The following AASDHPPT variants were observed in gnomAD, a reference collection of about 807,000 sequenced individuals.
The protein encoded by AASDHPPT is L-aminoadipate-semialdehyde dehydrogenase-phosphopantetheinyl transferase.
A neutral mutation model predicts 36.4 loss-of-function variants in AASDHPPT; 23 were observed. That is an observed-to-expected ratio of 0.63 (90% CI 0.45 to 0.89). The LOEUF is 0.89. Ranked by LOEUF, AASDHPPT falls within the 40% of genes least tolerant of loss-of-function variation. AASDHPPT has a pLI of 0.00. For synonymous variants in AASDHPPT, 115 were observed against 128.0 expected, an observed-to-expected ratio of 0.90 and a Z score of 0.68; for missense variants, 377 against 378.2, an observed-to-expected ratio of 1.00 and a Z score of 0.03.
Position 106,077,719 on chromosome 11 carries a change from C to T in AASDHPPT, c.9C>T (p.Phe3=). Residue 3 remains phenylalanine, a synonymous_variant, in exon 1 of 6, where the codon TTC becomes TTT. Transcript: ENST00000278618. MV[F]PAKRFCLVPS... Reference sequence around the variant, plus strand: ...AGGTCCGCTTTCAGTGTATGGTTTTCCCTGCCAAACGGTTCTGCTTGGTGC... The same window carrying T: ...AGGTCCGCTTTCAGTGTATGGTTTTTCCTGCCAAACGGTTCTGCTTGGTGC... The T allele has an allele frequency of 6.2e-7, 1 of 1,613,658 alleles. No homozygotes were observed. Among genetic ancestry groups the T allele is most frequent in the South Asian group, 1.1e-5 (1 of 91,064 alleles).
chr11:106,092,036 T>C (rs1861261523), intron 4 of AASDHPPT: 1 of 152,218 alleles, frequency 6.6e-6, no homozygotes, highest in Non-Finnish European at 1.5e-5. Context: ...TTTCTCTACA[T>C]TTTGGCTTCA....
chr11:106,096,907 A>G lies in AASDHPPT; in HGVS notation c.930A>G (p.Ter310TrpextTer1), dbSNP rs772876329. ...EIPIRNGTKS[*>W] ...CAATACGAAATGGTACAAAGTCATG[A>G]TGATTCCCTGAGTAACAAAGGGAAA... Residue 310 changes from the stop codon to tryptophan, a stop_lost, in exon 6 of 6, where the codon TGA (stop) becomes TGG (tryptophan). Transcript: ENST00000278618. 47 of 1,596,064 alleles carry G rather than the reference A, an allele frequency of 2.9e-5. 1 individual carries two copies. In the South Asian group the frequency reaches 5.4e-4, roughly 18 times the overall value.
chr11:106,080,568 A>G (rs1861128695), intron 2 of AASDHPPT, among the ~76,000 whole-genome samples: 2 of 152,200 alleles, frequency 1.3e-5, no homozygotes, highest in South Asian at 4.1e-4. Flanking sequence ...CATCACTAAC[A>G]TTTAATGAAC....
At chr11:106,079,767 G>T (rs1277528571) in intron 2 of AASDHPPT, 75 bp downstream of exon 2, 1 of 1,277,082 alleles carries the variant, frequency 7.8e-7, no homozygotes, top group East Asian at 2.3e-5. Context: ...GTAATCTCAG[G>T]CCAGGAGATG....
chr11:106,094,521 A>G, intron 4 of AASDHPPT, 62 bp from the exon 5 acceptor site: 1 of 1,259,964 alleles, frequency 7.9e-7, no homozygotes, highest in East Asian at 2.6e-5. Context: ...GAAAATGTAA[A>G]CAAAGTTACA....
At chr11:106,078,532 A>G (rs1861093290) in intron 1 of AASDHPPT, among the ~76,000 whole-genome samples, 2 of 152,236 alleles carry the variant, frequency 1.3e-5, no homozygotes, top group Non-Finnish European at 2.9e-5. Context: ...TCTGTACAAT[A>G]TGGTGCAATT....
At position 106,097,048 on chromosome 11, in the gene AASDHPPT, A is replaced by G. The variant is rs904818696; in HGVS notation, c.*141A>G. 1.2e-5 allele frequency: 10 copies of G among 832,710 alleles called. No individual in the cohort carries two copies. The highest frequency in any genetic ancestry group is 1.6e-5 in the Non-Finnish European group (9 of 569,848). 51.6% of individuals were successfully genotyped at this position (832,710 alleles called of 1,614,324 possible). ...GAAACTTTTCCAATTAAAAAAAAAA[A>G]GCAGACTTCTGGTTCAAGATAGCTC... On this transcript the variant is annotated 3_prime_UTR_variant, in exon 6 of 6. Transcript: ENST00000278618.
At chr11:106,085,685 C>A (rs918868983) in intron 2 of AASDHPPT, among the ~76,000 whole-genome samples, 3 of 152,184 alleles carry the variant, frequency 2.0e-5, no homozygotes, top group African/African-American at 7.2e-5. Context: ...AAAGAAGATA[C>A]ACATTTAACC....
At position 106,090,778 on chromosome 11, in the gene AASDHPPT, C is replaced by T. The variant is rs554996283; in HGVS notation, c.531+100C>T. The T allele has an allele frequency of 3.2e-5, 46 of 1,432,962 alleles. 2 individuals carry two copies. The South Asian group carries it at 6.3e-4, about 20-fold the overall frequency. 88.8% of individuals were successfully genotyped at this position (1,432,962 alleles called of 1,614,324 possible). The stretch of plus-strand genomic sequence containing the variant: ...GTTACCCAGTAGTGTCCAAACAGTG[C>T]TTGAAGTAAATGGGTGATTGCTTGA... On this transcript the variant is annotated intron_variant, in intron 3 of 5. Coordinates refer to ENST00000278618, the MANE Select transcript of AASDHPPT (RefSeq NM_015423.3).
chr11:106,084,980 G>T (rs1378536610), intron 2 of AASDHPPT, among the ~76,000 whole-genome samples: 2 of 152,100 alleles, frequency 1.3e-5, no homozygotes, highest in African/African-American at 4.8e-5. Context: ...ATTCTGTATT[G>T]GATGTAATTT....
At chr11:106,084,814 C>T (rs1415321421) in intron 2 of AASDHPPT, among the ~76,000 whole-genome samples, 1 of 151,838 alleles carries the variant, frequency 6.6e-6, no homozygotes, top group East Asian at 2.0e-4. Context: ...GGAGTTTCAC[C>T]ACGTTGGCCA....
intron 2 of AASDHPPT, 95 bp downstream of exon 2, chr11:106,079,787 T>G: frequency 3.6e-6 from 4 of 1,110,116 alleles, no homozygotes; most frequent in Non-Finnish European, 5.2e-6. Flanking sequence ...GTATTAGAGA[T>G]ATTTCAGTTT....
chr11:106,081,245 T>G (rs900595515), intron 2 of AASDHPPT, among the ~76,000 whole-genome samples: 1 of 152,222 alleles, frequency 6.6e-6, no homozygotes, highest in African/African-American at 2.4e-5. Flanking sequence ...TAGCTACTCT[T>G]TCTCTTACCT....
chr11:106,094,522 CAA>C lies in AASDHPPT; in HGVS notation c.694-59_694-58del, dbSNP rs1861293303. On this transcript the variant is annotated intron_variant, in intron 4 of 5. Coordinates refer to ENST00000278618, the MANE Select transcript of AASDHPPT (RefSeq NM_015423.3). ...GAGAATGAGATTTAGAAAATGTAAA[CAA>C]AGTTACATCTAGGTTTACATATTTT... is the stretch of plus-strand genomic sequence containing the variant. The C allele has an allele frequency of 2.4e-6, 3 of 1,260,958 alleles. No individual in the cohort carries two copies. The African/African-American group carries it at 4.6e-5, about 19-fold the overall frequency. 78.1% of individuals were successfully genotyped at this position (1,260,958 alleles called of 1,614,324 possible).
chr11:106,078,156 T>A (rs1249333453), intron 1 of AASDHPPT, among the ~76,000 whole-genome samples: 1 of 152,234 alleles, frequency 6.6e-6, no homozygotes, highest in Admixed American at 6.5e-5. Context: ...GAGACCCTCC[T>A]AAACCATGAA....
At chr11:106,093,123 G>T (rs1287243431) in intron 4 of AASDHPPT, 2 of 152,124 alleles carry the variant, frequency 1.3e-5, no homozygotes, top group African/African-American at 4.8e-5. Context: ...AGAGAGCTGG[G>T]TCAATAACTG....
chr11:106,091,290 A>G (rs938249103), intron 3 of AASDHPPT, 26 bp from the exon 4 acceptor site: 8 of 1,563,554 alleles, frequency 5.1e-6, no homozygotes, highest in Non-Finnish European at 6.9e-6. Flanking sequence ...CCAAATTCTA[A>G]GAGAAAATGT....
At chr11:106,089,631 T>G (rs1295843685) in intron 2 of AASDHPPT, 2 of 152,012 alleles carry the variant, frequency 1.3e-5, no homozygotes, top group African/African-American at 4.8e-5. Flanking sequence ...GTGTAAATAT[T>G]TATACATATT....
chr11:106,080,000 C>G (rs143448476), intron 2 of AASDHPPT, among the ~76,000 whole-genome samples: 26 of 152,190 alleles, frequency 1.7e-4, no homozygotes, highest in East Asian at 1.4e-3. Flanking sequence ...ACATTAACCA[C>G]AATTTTTCAG....
Sources: allele counts gnomAD v4.1 joint callset (sites outside exome capture counted in the v4.1 genomes callset), GRCh38; gene constraint gnomAD v4.1.1; transcripts MANE v1.5; gene names NCBI Gene and HGNC (gene_info 2026-07-23, HGNC 2026-07-21).